PRKAG2: variants seen among roughly 807,000 people sequenced by gnomAD.
PRKAG2 encodes the protein protein kinase AMP-activated non-catalytic subunit gamma 2.
A neutral mutation model predicts 69.6 loss-of-function variants in PRKAG2; 26 were observed. That is an observed-to-expected ratio of 0.37 (90% CI 0.27 to 0.52). PRKAG2 has a LOEUF of 0.52. Among genes scored for constraint, PRKAG2 ranks in the 20% least tolerant of loss-of-function variants. PRKAG2 has a pLI of 0.90. For synonymous variants in PRKAG2, 293 were observed against 285.0 expected, an observed-to-expected ratio of 1.03 and a Z score of -0.28; for missense variants, 557 against 740.0, an observed-to-expected ratio of 0.75 and a Z score of 2.87.
intron 4 of PRKAG2, among the ~76,000 whole-genome samples, chr7:151,645,105 A>C (rs2151379038): frequency 6.6e-6 from 1 of 152,292 alleles, no homozygotes; most frequent in African/African-American, 2.4e-5. Flanking sequence ...GCATTCATGT[A>C]CTTGTGTATC....
chr7:151,864,561 G>C (rs184206471), intron 1 of PRKAG2, among the ~76,000 whole-genome samples: 152 of 152,314 alleles, frequency 1.0e-3, no homozygotes, highest in African/African-American at 3.4e-3. Context: ...CTCTGTCTTT[G>C]AAAATACTCT....
intron 6 of PRKAG2, among the ~76,000 whole-genome samples, chr7:151,588,002 T>G (rs1812101228): frequency 6.6e-6 from 1 of 151,780 alleles, no homozygotes; most frequent in South Asian, 2.1e-4. Flanking sequence ...CATCTAAAAC[T>G]CTTATAAAAC....
chr7:151,665,734 T>A (rs1281135772), intron 4 of PRKAG2, among the ~76,000 whole-genome samples: 1 of 152,220 alleles, frequency 6.6e-6, no homozygotes, highest in East Asian at 1.9e-4. Flanking sequence ...GGCAGACAGC[T>A]TTAACATCAA....
At chr7:151,852,137 T>G (rs1471656859) in intron 1 of PRKAG2, among the ~76,000 whole-genome samples, 1 of 152,052 alleles carries the variant, frequency 6.6e-6, no homozygotes, top group Non-Finnish European at 1.5e-5. Flanking sequence ...CTGTGCCCTG[T>G]GTAAGGTGCC....
chr7:151,781,470 C>G lies in PRKAG2; in HGVS notation c.187-39G>C. The G allele has an allele frequency of 6.4e-7, 1 of 1,570,352 alleles. No individual in the cohort carries two copies. Among genetic ancestry groups the G allele is most frequent in the East Asian group, 2.3e-5 (1 of 42,868 alleles). Reference sequence around the variant, plus strand: ...GACGAATGGATGCAGTCACTCCACGCTCTGGACACGCTGCCTCCTGCCCTG... The same window carrying G: ...GACGAATGGATGCAGTCACTCCACGGTCTGGACACGCTGCCTCCTGCCCTG... On this transcript the variant is annotated intron_variant, in intron 2 of 15. Coordinates refer to ENST00000287878, the MANE Select transcript of PRKAG2 (RefSeq NM_016203.4). The surrounding 1 kb of genome is among the most constrained non-coding windows in gnomAD (Gnocchi z 6.1).
intron 1 of PRKAG2, among the ~76,000 whole-genome samples, chr7:151,825,505 C>A (rs1029223308): frequency 4.6e-4 from 70 of 152,170 alleles, no homozygotes; most frequent in African/African-American, 1.6e-3. Flanking sequence ...TCCTCTGGCC[C>A]AGATTTAACA....
At chr7:151,669,721 AC>A (rs1417970970) in intron 4 of PRKAG2, among the ~76,000 whole-genome samples, 1 of 140,124 alleles carries the variant, frequency 7.1e-6, no homozygotes, top group Admixed American at 7.5e-5. Context: ...TTGGACTACC[AC>A]CACCTACACA....
chr7:151,564,265 A>T, intron 13 of PRKAG2, 41 bp from the exon 14 acceptor site: 1 of 1,611,404 alleles, frequency 6.2e-7, no homozygotes, highest in Non-Finnish European at 8.5e-7. Context: ...CTTTCATTTC[A>T]GTTCACTTCA....
At chr7:151,868,965 G>T (rs1374705288) in intron 1 of PRKAG2, among the ~76,000 whole-genome samples, 1 of 152,230 alleles carries the variant, frequency 6.6e-6, no homozygotes, top group Non-Finnish European at 1.5e-5. Context: ...CTGAGTAGAT[G>T]AAGAGGCGTT....
At chr7:151,687,746 G>A (rs573707123) in intron 3 of PRKAG2, among the ~76,000 whole-genome samples, 79 of 152,340 alleles carry the variant, frequency 5.2e-4, no homozygotes, top group Non-Finnish European at 1.0e-3. Context: ...GCAGCCCAGG[G>A]CCTTGCTCCA....
At chr7:151,800,709 A>C (rs973612529) in intron 1 of PRKAG2, among the ~76,000 whole-genome samples, 1 of 152,228 alleles carries the variant, frequency 6.6e-6, no homozygotes, top group Non-Finnish European at 1.5e-5. Flanking sequence ...GGGGATTTCT[A>C]GGGCGGTGGA....
chr7:151,751,764 C>T (rs1176366282), intron 3 of PRKAG2, among the ~76,000 whole-genome samples: 2 of 152,122 alleles, frequency 1.3e-5, no homozygotes, highest in Admixed American at 6.5e-5. Context: ...CCTCCTGCCT[C>T]AGACTCCCAA....
chr7:151,805,503 T>C (rs2078056717), intron 1 of PRKAG2, among the ~76,000 whole-genome samples: 1 of 152,224 alleles, frequency 6.6e-6, no homozygotes, highest in South Asian at 2.1e-4. Flanking sequence ...TGGTTTGTTA[T>C]GTAGCAATAG....
intron 1 of PRKAG2, among the ~76,000 whole-genome samples, chr7:151,853,191 C>G (rs996614055): frequency 2.0e-5 from 3 of 152,072 alleles, no homozygotes; most frequent in African/African-American, 7.2e-5. Context: ...GGACTGGATG[C>G]GTGAGTGTGC....
intron 6 of PRKAG2, among the ~76,000 whole-genome samples, chr7:151,594,047 G>C (rs1813850699): frequency 6.6e-6 from 1 of 152,198 alleles, no homozygotes; most frequent in Non-Finnish European, 1.5e-5. Flanking sequence ...GGGGTCCCTG[G>C]GGAGGTCTAA....
chr7:151,822,956 G>C (rs75064047), intron 1 of PRKAG2, among the ~76,000 whole-genome samples: 1 of 152,064 alleles, frequency 6.6e-6, no homozygotes, highest in Non-Finnish European at 1.5e-5. Flanking sequence ...CTGAGTGGCC[G>C]CCAAGCCCGG....
intron 15 of PRKAG2, chr7:151,559,569 C>T (rs1179662559): frequency 2.0e-6 from 2 of 985,040 alleles, no homozygotes; most frequent in Non-Finnish European, 2.4e-6. Flanking sequence ...TGGAATTTCT[C>T]TTGGTGTTCT....
chr7:151,726,371 G>GACACACAC (rs60238080), intron 3 of PRKAG2, among the ~76,000 whole-genome samples: 26,392 of 148,112 alleles, frequency 0.18, 2,449 homozygotes, highest in South Asian at 0.28. Flanking sequence ...AGGGAGGCAG[G>GACACACAC]ACACACACAC....
chr7:151,874,063 T>G (rs962433538), intron 1 of PRKAG2, among the ~76,000 whole-genome samples: 2 of 145,902 alleles, frequency 1.4e-5, no homozygotes, highest in Non-Finnish European at 3.0e-5. Context: ...TATATGTATA[T>G]GTATATGATG....
Sources: allele counts gnomAD v4.1 joint callset (sites outside exome capture counted in the v4.1 genomes callset), GRCh38; gene constraint gnomAD v4.1.1; non-coding constraint Gnocchi (gnomAD v3.1); transcripts MANE v1.5; gene names NCBI Gene and HGNC (gene_info 2026-07-23, HGNC 2026-07-21).